ADGRB3: variants seen among roughly 807,000 people sequenced by gnomAD.
ADGRB3 encodes the protein brain-specific angiogenesis inhibitor 3.
A neutral mutation model predicts 193.4 loss-of-function variants in ADGRB3; 37 were observed. The observed-to-expected ratio is 0.19, with a 90% CI of 0.15 to 0.25. ADGRB3 has a LOEUF of 0.25. Ranked by LOEUF, ADGRB3 falls within the 10% of genes least tolerant of loss-of-function variation. The pLI is 1.00. For synonymous variants in ADGRB3, 690 were observed against 644.2 expected (o/e 1.07, Z -1.08); for missense variants, 1,637 against 1,852.9 (o/e 0.88, Z 2.14).
intron 8 of ADGRB3, among the ~76,000 whole-genome samples, chr6:68,957,357 A>G (rs1397766342): frequency 3.9e-5 from 6 of 152,224 alleles, no homozygotes; most frequent in South Asian, 2.1e-4. Context: ...CACATATTTT[A>G]CAGGATCATT....
chr6:69,346,391 T>A (rs576598785), intron 26 of ADGRB3, among the ~76,000 whole-genome samples: 1 of 152,042 alleles, frequency 6.6e-6, no homozygotes, highest in Non-Finnish European at 1.5e-5. Context: ...AAAACAGATA[T>A]ATAGACTAAT....
chr6:68,941,653 G>A (rs964702270), intron 5 of ADGRB3, among the ~76,000 whole-genome samples: 2 of 141,844 alleles, frequency 1.4e-5, no homozygotes, highest in African/African-American at 3.1e-5. Context: ...GAGAAAATAG[G>A]AGGAGAAAAG....
chr6:69,098,991 C>A (rs922810745), intron 17 of ADGRB3, among the ~76,000 whole-genome samples: 2 of 152,162 alleles, frequency 1.3e-5, no homozygotes, highest in African/African-American at 4.8e-5. Flanking sequence ...TTTTAAATAG[C>A]TACCTCTATG....
chr6:69,075,892 A>G, intron 16 of ADGRB3, 103 bp from the exon 17 acceptor site: 1 of 867,332 alleles, frequency 1.2e-6, no homozygotes, highest in South Asian at 1.6e-5. Flanking sequence ...ATTTCTTACC[A>G]CAAGATAAGA....
intron 3 of ADGRB3, among the ~76,000 whole-genome samples, chr6:68,850,017 T>A (rs946252118): frequency 2.6e-5 from 4 of 151,964 alleles, no homozygotes; most frequent in African/African-American, 9.7e-5. Flanking sequence ...ATTTAAAATA[T>A]GTGTAATAGT....
intron 3 of ADGRB3, among the ~76,000 whole-genome samples, chr6:68,856,938 T>C (rs1280514733): frequency 6.6e-6 from 1 of 151,912 alleles, no homozygotes; most frequent in Non-Finnish European, 1.5e-5. Flanking sequence ...TATCCTGCAT[T>C]CCAGAAGCTC....
intron 19 of ADGRB3, among the ~76,000 whole-genome samples, chr6:69,235,711 A>T (rs1349482897): frequency 6.6e-6 from 1 of 152,004 alleles, no homozygotes; most frequent in African/African-American, 2.4e-5. Context: ...AAATACATAA[A>T]CAAGGGGAAG....
At chr6:68,851,186 A>G (rs2127390954) in intron 3 of ADGRB3, among the ~76,000 whole-genome samples, 1 of 151,972 alleles carries the variant, frequency 6.6e-6, no homozygotes, top group East Asian at 1.9e-4. Flanking sequence ...TTTTCTTTCA[A>G]GGCTGCAGTT....
At chr6:68,893,918 A>T (rs1423821020) in intron 3 of ADGRB3, among the ~76,000 whole-genome samples, 5 of 151,808 alleles carry the variant, frequency 3.3e-5, no homozygotes, top group Admixed American at 3.3e-4. Context: ...TAACTTCATC[A>T]CTCTCAAAGT....
In ADGRB3 at chr6:68,929,201, C is replaced by A. The variant is rs184536050; in HGVS notation, c.758-1358C>A. On this transcript the variant is annotated intron_variant, in intron 3 of 31. Transcript: ENST00000370598. ...GTGTAGGATATTGCCGAATTCTAAG[C>A]AAATGAATTTTTAAAATATATTACA... Among the ~76,000 whole-genome samples the A allele has an allele frequency of 6.6e-5, 10 of 152,232 alleles. No homozygotes were observed. The East Asian group carries it at 1.2e-3, about 18-fold the overall frequency.
chr6:69,242,919 T>C (rs1189745350), intron 20 of ADGRB3, among the ~76,000 whole-genome samples: 1 of 152,016 alleles, frequency 6.6e-6, no homozygotes, highest in Non-Finnish European at 1.5e-5. Context: ...TTGTTGTTGT[T>C]GAGCTGAGTA....
Position 69,310,289 on chromosome 6 carries a change from A to G in ADGRB3, c.2815-14583A>G, listed in dbSNP as rs990549738. 5.9e-5 allele frequency among the ~76,000 whole-genome samples: 9 copies of G among 151,780 alleles called. No homozygotes were observed. In the South Asian group the frequency reaches 1.0e-3, roughly 17 times the overall value. On this transcript the variant is annotated intron_variant, in intron 20 of 31. Coordinates refer to ENST00000370598, the MANE Select transcript of ADGRB3 (RefSeq NM_001704.3). ...TTTCATACTGAAGCCAAAGGAGCTT[A>G]ATAATAAATCCTTGGCTCAACCCAG...
chr6:69,092,341 T>G (rs1282351516), intron 17 of ADGRB3, among the ~76,000 whole-genome samples: 12 of 152,190 alleles, frequency 7.9e-5, no homozygotes, highest in Non-Finnish European at 1.5e-5. Context: ...CATATTCTTA[T>G]TAAATTGTTG....
rs1218729854 is a variant in ADGRB3 at position 68,943,910 on chromosome 6, T to A, written c.1111T>A (p.Ser371Thr). ...TCGAGGCCAAAGAACAAGAACAAGGTCATGCACACCTCCTCAGTATGGAGG... is the reference window on the plus strand; with the variant it reads ...TCGAGGCCAAAGAACAAGAACAAGGACATGCACACCTCCTCAGTATGGAGG... ...CGRGQRTRTR[S>T]CTPPQYGGRP... The change falls in exon 6 of 32, where the codon TCA becomes ACA. Residue 371 changes from serine (S) to threonine (T), a missense_variant. Physicochemically the swap from Ser to Thr is moderately conservative, Grantham distance 58. Coordinates refer to ENST00000370598, the MANE Select transcript of ADGRB3 (RefSeq NM_001704.3). 6.2e-7 allele frequency: 1 copy of A among 1,614,008 alleles called. No individual in the cohort carries two copies. Among genetic ancestry groups the A allele is most frequent in the South Asian group, 1.1e-5 (1 of 91,068 alleles).
intron 3 of ADGRB3, among the ~76,000 whole-genome samples, chr6:68,817,039 A>G (rs1410447897): frequency 6.6e-6 from 1 of 151,758 alleles, no homozygotes; most frequent in Non-Finnish European, 1.5e-5. Flanking sequence ...ATAAACTTGT[A>G]TTTCATGCCC....
At chr6:69,035,351 G>C (rs1467654928) in intron 13 of ADGRB3, among the ~76,000 whole-genome samples, 1 of 105,774 alleles carries the variant, frequency 9.5e-6, no homozygotes, top group Non-Finnish European at 2.0e-5. Context: ...AGGACCTATG[G>C]GTTTTTTGCT....
chr6:69,040,361 CTTTCTTTCTTTCTTTCCT>C (rs1562133214), intron 13 of ADGRB3, among the ~76,000 whole-genome samples: 4,727 of 73,958 alleles, frequency 0.064, 166 homozygotes, highest in South Asian at 0.13. Context: ...TTCTTTCTTT[CTTTCTTTCTTTCTTTCCT>C]TCTCTCTCTT....
At chr6:69,161,892 A>C (rs930818210) in intron 17 of ADGRB3, among the ~76,000 whole-genome samples, 1 of 152,128 alleles carries the variant, frequency 6.6e-6, no homozygotes, top group Non-Finnish European at 1.5e-5. Flanking sequence ...CATCCCTCAG[A>C]GTGAGCAAGC....
At chr6:69,008,918 C>T (rs1335036383) in intron 11 of ADGRB3, among the ~76,000 whole-genome samples, 2 of 151,982 alleles carry the variant, frequency 1.3e-5, no homozygotes, top group African/African-American at 2.4e-5. Context: ...ATCTCTTATT[C>T]CCTGGACATA....
Sources: gnomAD v4.1 joint callset for allele counts (sites outside exome capture counted in the v4.1 genomes callset) on GRCh38, gnomAD v4.1.1 for gene constraint, MANE v1.5 for transcripts, NCBI Gene and HGNC (gene_info 2026-07-23, HGNC 2026-07-21) for gene names.